MYO1E: variants seen among roughly 807,000 people sequenced by gnomAD.
MYO1E encodes the protein unconventional myosin-Ie.
In MYO1E, 68 loss-of-function variants were observed where a neutral mutation model predicts 151.1. The ratio of observed to expected loss-of-function variants is 0.45; its 90% CI spans 0.37 to 0.55. The LOEUF (loss-of-function observed/expected upper bound fraction) is 0.55, where lower values mean the gene tolerates loss of function less well. Among genes scored for constraint, MYO1E ranks in the 20% least tolerant of loss-of-function variants. MYO1E has a pLI of 0.00. For missense variants in MYO1E, 1,363 were observed against 1,389.3 expected (o/e 0.98, Z 0.30); for synonymous variants, 601 against 501.7 (o/e 1.20, Z -2.64).
At chr15:59,192,363 G>A (rs1207022520) in intron 17 of MYO1E, among the ~76,000 whole-genome samples, 1 of 151,546 alleles carries the variant, frequency 6.6e-6, no homozygotes, top group Non-Finnish European at 1.5e-5. Flanking sequence ...TGAATAAAAT[G>A]TACCACTCAT....
chr15:59,224,609 T>C (rs2079977244), intron 8 of MYO1E, 80 bp downstream of exon 8: 1 of 1,575,692 alleles, frequency 6.3e-7, no homozygotes, highest in African/African-American at 1.3e-5. Flanking sequence ...CTTTGCTTTA[T>C]TAACCTTCAC....
At chr15:59,249,766 A>C (rs2080152965) in intron 4 of MYO1E, among the ~76,000 whole-genome samples, 2 of 152,168 alleles carry the variant, frequency 1.3e-5, no homozygotes, top group South Asian at 4.1e-4. Flanking sequence ...GCCTCCAAGA[A>C]AATGGTTTTT....
chr15:59,141,476 G>A (rs1358896598), intron 26 of MYO1E, among the ~76,000 whole-genome samples: 1 of 152,248 alleles, frequency 6.6e-6, no homozygotes, highest in Middle Eastern at 3.4e-3. Flanking sequence ...ATTGTTTAGG[G>A]AATAATGACA....
intron 8 of MYO1E, 96 bp from the exon 9 acceptor site, chr15:59,223,287 G>C: frequency 7.0e-7 from 1 of 1,425,834 alleles, no homozygotes; most frequent in Non-Finnish European, 9.8e-7. Flanking sequence ...TCTAAATAAG[G>C]ATGTGACAAG....
chr15:59,268,718 G>GTTTTTTTTTTTTTTTTTTTTTTTTTT lies in MYO1E; in HGVS notation c.147+3587_147+3588insAAAAAAAAAAAAAAAAAAAAAAAAAA, dbSNP rs1452818863. Among the ~76,000 whole-genome samples the GTTTTTTTTTTTTTTTTTTTTTTTTTT allele has an allele frequency of 1.2e-3, 15 of 12,048 alleles. 2 individuals carry two copies. Among genetic ancestry groups the GTTTTTTTTTTTTTTTTTTTTTTTTTT allele is most frequent in the Non-Finnish European group, 1.6e-3 (4 of 2,452 alleles). The allele number at this position is 12,048 out of a possible 152,430, so 7.9% of individuals were successfully genotyped here. ...TGGTGATGGGTTCTGGGTGACTTTG[G>GTTTTTTTTTTTTTTTTTTTTTTTTTT]TATTTTTTTTTTTTTTTTTTTTTGC... is the stretch of plus-strand genomic sequence containing the variant. On this transcript the variant is annotated intron_variant, in intron 2 of 27. Transcript: ENST00000288235.
chr15:59,213,423 G>A (rs975741796), intron 12 of MYO1E, among the ~76,000 whole-genome samples: 3 of 151,916 alleles, frequency 2.0e-5, no homozygotes, highest in South Asian at 4.2e-4. Flanking sequence ...TGCCCGTCTC[G>A]GCCTCCCAAA....
intron 26 of MYO1E, among the ~76,000 whole-genome samples, chr15:59,150,810 A>T (rs2079470914): frequency 6.6e-6 from 1 of 152,134 alleles, no homozygotes; most frequent in Non-Finnish European, 1.5e-5. Context: ...ACAAATGCAA[A>T]TTCTTAGGCC....
rs570294669 is a variant in MYO1E at position 59,132,447 on chromosome 15, A to T, written c.*4933T>A. Reference sequence around the variant, plus strand: ...AAAGACATTTTATAGCTTCCTTATTACATATTTTACTTAGTTAAATATTAA... The same window carrying T: ...AAAGACATTTTATAGCTTCCTTATTTCATATTTTACTTAGTTAAATATTAA... On this transcript the variant is annotated 3_prime_UTR_variant, in exon 28 of 28. Coordinates refer to ENST00000288235, the MANE Select transcript of MYO1E (RefSeq NM_004998.4). 2 of 152,296 alleles carry T rather than the reference A, an allele frequency of 1.3e-5. No individual in the cohort carries two copies. Among genetic ancestry groups the T allele is most frequent in the East Asian group, 3.9e-4 (2 of 5,190 alleles). The allele number at this position is 152,296 out of a possible 1,614,324, so 9.4% of individuals were successfully genotyped here.
chr15:59,207,083 G>C, intron 14 of MYO1E: 1 of 1,614,238 alleles, frequency 6.2e-7, no homozygotes, highest in Non-Finnish European at 8.5e-7. Flanking sequence ...ACCCCCGTGA[G>C]CAAGATGGCG....
chr15:59,346,763 T>C (rs2080796321), intron 1 of MYO1E, among the ~76,000 whole-genome samples: 1 of 151,150 alleles, frequency 6.6e-6, no homozygotes, highest in Non-Finnish European at 1.5e-5. Context: ...AATAAACAAA[T>C]AAAATTAGCT....
In MYO1E at chr15:59,137,364, C is replaced by G; in HGVS notation, c.*16G>C. ...CCTGGAGCTCCTCTGCCCCATGTGT[C>G]AGAGTCACGGGCACCTCAGATCTTG... On this transcript the variant is annotated 3_prime_UTR_variant, in exon 28 of 28. Coordinates refer to ENST00000288235, the MANE Select transcript of MYO1E (RefSeq NM_004998.4). The G allele has an allele frequency of 1.9e-6, 3 of 1,613,324 alleles. No individual in the cohort carries two copies. Among genetic ancestry groups the G allele is most frequent in the Non-Finnish European group, 2.5e-6 (3 of 1,179,294 alleles).
At chr15:59,360,725 C>G (rs1358350548) in intron 1 of MYO1E, among the ~76,000 whole-genome samples, 8 of 152,188 alleles carry the variant, frequency 5.3e-5, no homozygotes, top group African/African-American at 1.9e-4. Context: ...ATTCCTCATG[C>G]CTTGCTTGGG....
At chr15:59,287,921 T>C (rs536088454) in intron 1 of MYO1E, among the ~76,000 whole-genome samples, 2 of 152,210 alleles carry the variant, frequency 1.3e-5, no homozygotes, top group African/African-American at 4.8e-5. Context: ...TATAAGTTAT[T>C]GTCAAATGAA....
At chr15:59,221,397 G>T (rs1488493977) in intron 9 of MYO1E, among the ~76,000 whole-genome samples, 3 of 152,116 alleles carry the variant, frequency 2.0e-5, no homozygotes, top group Admixed American at 1.3e-4. Flanking sequence ...AGGAGTGGTT[G>T]TGTGTAGTTG....
At chr15:59,161,012 T>A in intron 24 of MYO1E, 61 bp downstream of exon 24, 2 of 1,602,418 alleles carry the variant, frequency 1.2e-6, no homozygotes, top group East Asian at 2.2e-5. Flanking sequence ...TTTGCAGCAT[T>A]TGCTCGGGAG....
intron 7 of MYO1E, among the ~76,000 whole-genome samples, chr15:59,227,018 C>G (rs2079995920): frequency 6.6e-6 from 1 of 152,224 alleles, no homozygotes; most frequent in Non-Finnish European, 1.5e-5. Context: ...GCCTGCCCTG[C>G]AGGCAGGCTG....
At chr15:59,325,263 T>C (rs188963130) in intron 1 of MYO1E, among the ~76,000 whole-genome samples, 1 of 152,294 alleles carries the variant, frequency 6.6e-6, no homozygotes, top group Non-Finnish European at 1.5e-5. Flanking sequence ...CTCCATCTCT[T>C]GAACTCGTTG....
rs112894918 is a variant in MYO1E at position 59,328,736 on chromosome 15, T to C, written c.3+43762A>G. Among the ~76,000 whole-genome samples the C allele has an allele frequency of 4.1e-3, 626 of 152,240 alleles. 5 individuals are homozygous for C. Among genetic ancestry groups the C allele is most frequent in the African/African-American group, 0.012 (506 of 41,544 alleles). On this transcript the variant is annotated intron_variant, in intron 1 of 27. Transcript: ENST00000288235. ...ATATTGGGCAATCTGTAGAAGACTC[T>C]GGTGTGGAGCATGCAAGGCCTATAG...
At chr15:59,243,113 T>TTC (rs1178557557) in intron 4 of MYO1E, among the ~76,000 whole-genome samples, 17 of 151,396 alleles carry the variant, frequency 1.1e-4, no homozygotes, top group Admixed American at 6.6e-4. Flanking sequence ...TTTTTTTTTT[T>TTC]TTCAAATATA....
Sources: gnomAD v4.1 joint callset for allele counts (sites outside exome capture counted in the v4.1 genomes callset) on GRCh38, gnomAD v4.1.1 for gene constraint, MANE v1.5 for transcripts, NCBI Gene and HGNC (gene_info 2026-07-23, HGNC 2026-07-21) for gene names.